SLC25A12: variants seen among roughly 807,000 people sequenced by gnomAD.
SLC25A12 encodes the protein solute carrier family 25 member 12.
Under a neutral mutation model 83.3 loss-of-function variants are expected in SLC25A12, and 32 were observed. That is an observed-to-expected ratio of 0.38 (90% CI 0.29 to 0.52). The LOEUF (loss-of-function observed/expected upper bound fraction) is 0.52. Ranked by LOEUF, SLC25A12 falls within the 20% of genes least tolerant of loss-of-function variation. The probability of loss-of-function intolerance (pLI) is 0.84; values close to 1 mark genes in which losing one functional copy is unlikely to be tolerated. For missense variants in SLC25A12, 611 were observed against 835.6 expected, an observed-to-expected ratio of 0.73 and a Z score of 3.31; for synonymous variants, 267 against 291.1, an observed-to-expected ratio of 0.92 and a Z score of 0.84.
intron 2 of SLC25A12, among the ~76,000 whole-genome samples, chr2:171,878,938 C>G (rs1367107091): frequency 1.3e-5 from 2 of 152,284 alleles, no homozygotes; most frequent in South Asian, 2.1e-4. Context: ...CACAAGCACT[C>G]TACATAAGGA....
chr2:171,818,574 C>G (rs1684105583), intron 9 of SLC25A12, among the ~76,000 whole-genome samples: 2 of 151,682 alleles, frequency 1.3e-5, no homozygotes, highest in Admixed American at 6.6e-5. Flanking sequence ...GAGTTCAAGA[C>G]CAGCCTGGGC....
intron 2 of SLC25A12, among the ~76,000 whole-genome samples, chr2:171,885,207 G>C (rs1223456929): frequency 2.0e-5 from 3 of 150,634 alleles, no homozygotes; most frequent in Admixed American, 6.6e-5. Flanking sequence ...TTGATTGGTA[G>C]TAGAACATCA....
chr2:171,840,066 T>C (rs1684639865), intron 5 of SLC25A12, among the ~76,000 whole-genome samples: 1 of 152,154 alleles, frequency 6.6e-6, no homozygotes, highest in Non-Finnish European at 1.5e-5. Context: ...TCTGCAAAAT[T>C]GAACACTGAG....
intron 1 of SLC25A12, 52 bp downstream of exon 1, chr2:171,894,151 C>A (rs1217104897): frequency 1.9e-6 from 3 of 1,590,040 alleles, no homozygotes; most frequent in East Asian, 4.6e-5. Context: ...GCAGGCAGGG[C>A]GCTCGGAATG....
intron 2 of SLC25A12, among the ~76,000 whole-genome samples, chr2:171,875,823 G>A (rs1160874856): frequency 6.8e-6 from 1 of 146,290 alleles, no homozygotes; most frequent in African/African-American, 2.5e-5. Flanking sequence ...TGAGGCAAGA[G>A]AATGGTGTTA....
rs564408215 is a variant in SLC25A12 at position 171,891,522 on chromosome 2, T to C, written c.66+1683A>G. On this transcript the variant is annotated intron_variant, in intron 2 of 17. Coordinates refer to ENST00000422440, the MANE Select transcript of SLC25A12 (RefSeq NM_003705.5). ...GCTGAAACTCAGGAAGGCCAGATGA[T>C]TAGCCTAAGGGTACAAGAACCAGAT... Among the ~76,000 whole-genome samples the C allele has an allele frequency of 6.8e-4, 103 of 152,324 alleles. 1 individual carries two copies. Among genetic ancestry groups the C allele is most frequent in the African/African-American group, 2.2e-3 (92 of 41,582 alleles).
At chr2:171,797,813 C>T (rs995831630) in intron 13 of SLC25A12, among the ~76,000 whole-genome samples, 1 of 152,178 alleles carries the variant, frequency 6.6e-6, no homozygotes, top group African/African-American at 2.4e-5. Context: ...CAATGATACA[C>T]AGCTATATAA....
chr2:171,810,517 C>G (rs577877962), intron 11 of SLC25A12, among the ~76,000 whole-genome samples: 71 of 152,298 alleles, frequency 4.7e-4, no homozygotes, highest in African/African-American at 1.7e-3. Context: ...TACTTTAAAG[C>G]CTAGTTATCC....
At chr2:171,871,141 A>G (rs1685448638) in intron 2 of SLC25A12, among the ~76,000 whole-genome samples, 1 of 152,134 alleles carries the variant, frequency 6.6e-6, no homozygotes, top group Non-Finnish European at 1.5e-5. Context: ...GGTCGAGACT[A>G]CAGTGAGCCA....
chr2:171,871,194 C>T (rs2105919750), intron 2 of SLC25A12, among the ~76,000 whole-genome samples: 1 of 152,136 alleles, frequency 6.6e-6, no homozygotes, highest in Admixed American at 6.5e-5. Flanking sequence ...AGAGCAAGAC[C>T]CTGTCCAAAA....
chr2:171,850,327 G>A (rs1465054754), intron 4 of SLC25A12, among the ~76,000 whole-genome samples: 1 of 145,864 alleles, frequency 6.9e-6, no homozygotes, highest in Non-Finnish European at 1.5e-5. Flanking sequence ...TGTTGGCCAG[G>A]CTGGTCTTTG....
chr2:171,867,131 C>T (rs1344315242), intron 3 of SLC25A12, among the ~76,000 whole-genome samples: 5 of 149,972 alleles, frequency 3.3e-5, no homozygotes, highest in Non-Finnish European at 5.9e-5. Context: ...CGGGCAGAGA[C>T]GCTCCTCACT....
intron 2 of SLC25A12, 37 bp downstream of exon 2, chr2:171,893,168 T>C (rs766438118): frequency 3.2e-6 from 5 of 1,586,572 alleles, no homozygotes; most frequent in Non-Finnish European, 4.3e-6. Flanking sequence ...CGTTTTTTGT[T>C]TTTGCAATGA....
chr2:171,785,218 C>A lies in SLC25A12; in HGVS notation c.*56G>T. On this transcript the variant is annotated 3_prime_UTR_variant, in exon 18 of 18. Transcript: ENST00000422440. ...GCTGACTGGATACATTACAGGGCTG[C>A]TCTCCTAGGCCTCTTTCTTCAAGGC... is the stretch of plus-strand genomic sequence containing the variant. 1 of 1,503,894 alleles carries A rather than the reference C, an allele frequency of 6.6e-7. No homozygotes were observed. 93.2% of individuals were successfully genotyped at this position (1,503,894 alleles called of 1,614,324 possible).
chr2:171,876,309 C>G (rs147201554), intron 2 of SLC25A12, among the ~76,000 whole-genome samples: 1 of 152,138 alleles, frequency 6.6e-6, no homozygotes. Context: ...TTGACTTCTA[C>G]AGGAGACAGT....
rs112617102 is a variant in SLC25A12, at chr2:171,825,920, T to C, written c.930+878A>G. On this transcript the variant is annotated intron_variant, in intron 9 of 17. Transcript: ENST00000422440. ...ATTTGTAAAATCAGAAATGGGATTGTATTAATTTTATAGGACTCAGAAGCT... is the reference window on the plus strand; with the variant it reads ...ATTTGTAAAATCAGAAATGGGATTGCATTAATTTTATAGGACTCAGAAGCT... Among the ~76,000 whole-genome samples the C allele has an allele frequency of 2.2e-4, 33 of 152,368 alleles. 2 individuals carry two copies. Among genetic ancestry groups the C allele is most frequent in the African/African-American group, 7.5e-4 (31 of 41,590 alleles).
intron 10 of SLC25A12, 50 bp from the exon 11 acceptor site, chr2:171,813,547 G>A (rs781549014): frequency 6.4e-7 from 1 of 1,567,208 alleles, no homozygotes; most frequent in African/African-American, 1.4e-5. Context: ...ATTAAATGGA[G>A]AGTCCATAAG....
intron 11 of SLC25A12, among the ~76,000 whole-genome samples, chr2:171,812,722 C>G (rs1683972147): frequency 6.6e-6 from 1 of 151,876 alleles, no homozygotes; most frequent in Admixed American, 6.6e-5. Context: ...GAAAGAAAAT[C>G]TCTCTGTTTT....
At chr2:171,884,058 TTTG>T (rs1187169060) in intron 2 of SLC25A12, among the ~76,000 whole-genome samples, 1 of 150,464 alleles carries the variant, frequency 6.6e-6, no homozygotes, top group Non-Finnish European at 1.5e-5. Flanking sequence ...TTTTTTTTTT[TTTG>T]TAGAGACAGA....
Sources: allele counts gnomAD v4.1 joint callset (sites outside exome capture counted in the v4.1 genomes callset), GRCh38; gene constraint gnomAD v4.1.1; transcripts MANE v1.5; gene names NCBI Gene and HGNC (gene_info 2026-07-23, HGNC 2026-07-21).